The following BRI3 variants were observed in gnomAD, a reference collection of about 807,000 sequenced individuals.
The protein encoded by BRI3 is membrane protein BRI3.
In BRI3, 6 loss-of-function variants were observed where a neutral mutation model predicts 12.8. That is an observed-to-expected ratio of 0.47 (90% CI 0.26 to 0.93). BRI3 has a LOEUF of 0.93. Among genes scored for constraint, BRI3 ranks in the 40% least tolerant of loss-of-function variants. BRI3 has a pLI of 0.15. For synonymous variants in BRI3, 91 were observed against 76.1 expected, an observed-to-expected ratio of 1.20 and a Z score of -1.02; for missense variants, 134 against 171.1, an observed-to-expected ratio of 0.78 and a Z score of 1.21.
At position 98,301,462 on chromosome 7, in the gene BRI3, CT is replaced by C. The variant is rs61208842; in HGVS notation, c.72-5010del. On this transcript the variant is annotated intron_variant and NMD_transcript_variant, in intron 1 of 2. Coordinates refer to the BRI3 transcript ENST00000491463. ...AAATGAAAGCCTGAAAGCCTTCTAGCTTTTTTTTTTTGGTATATATATATAT... is the reference window on the plus strand; with the variant it reads ...AAATGAAAGCCTGAAAGCCTTCTAGCTTTTTTTTTTGGTATATATATATAT... Among the ~76,000 whole-genome samples, 663 of 130,472 alleles carry C rather than the reference CT, an allele frequency of 5.1e-3. 3 individuals carry two copies. Among genetic ancestry groups the C allele is most frequent in the African/African-American group, 0.013 (458 of 36,512 alleles). The allele number at this position is 130,472 out of a possible 152,430, so 85.6% of individuals were successfully genotyped here.
the BRI3 span, among the ~76,000 whole-genome samples, chr7:98,316,664 T>C: frequency 6.6e-6 from 1 of 152,216 alleles, no homozygotes; most frequent in Non-Finnish European, 1.5e-5. Flanking sequence ...TATTTTGAAA[T>C]AATGCATCGC....
chr7:98,287,744 C>T (rs775283581), intron 2 of BRI3, among the ~76,000 whole-genome samples: 35 of 152,218 alleles, frequency 2.3e-4, no homozygotes, highest in Admixed American at 6.5e-5. Flanking sequence ...CAGGCGCGAG[C>T]AGCAGCTGCA....
intron 2 of BRI3, among the ~76,000 whole-genome samples, chr7:98,289,400 GC>G (rs1220276196): frequency 1.3e-4 from 20 of 152,232 alleles, no homozygotes; most frequent in African/African-American, 4.8e-4. Flanking sequence ...GGGGGCAGTG[GC>G]CCTCATGAGT....
downstream of BRI3, among the ~76,000 whole-genome samples, chr7:98,295,094 CAG>C (rs1273385455): frequency 2.6e-5 from 4 of 152,220 alleles, no homozygotes; most frequent in African/African-American, 7.2e-5. Context: ...CAGGGGGTCT[CAG>C]GGAGCACGCA....
At chr7:98,310,538 G>A (rs1015977159), downstream of BRI3, 53 of 1,597,366 alleles carry the variant, frequency 3.3e-5, no homozygotes, top group Non-Finnish European at 4.5e-5. Context: ...CTGCCTGAAG[G>A]AGCGGGGGGC....
the BRI3 span, among the ~76,000 whole-genome samples, chr7:98,322,038 G>C: frequency 3.1e-4 from 47 of 152,306 alleles, no homozygotes; most frequent in African/African-American, 1.1e-3. Context: ...AGAGGATGCA[G>C]TGAGCCGAGA....
At chr7:98,285,856 C>T (rs976085493) in intron 2 of BRI3, among the ~76,000 whole-genome samples, 2 of 152,168 alleles carry the variant, frequency 1.3e-5, no homozygotes, top group Non-Finnish European at 2.9e-5. Context: ...GCTTTGGGGC[C>T]ACCTCGCCCT....
At chr7:98,292,607 G>T, downstream of BRI3, 1 of 1,549,900 alleles carries the variant, frequency 6.5e-7, no homozygotes, top group South Asian at 1.2e-5. Context: ...GGGCATCATG[G>T]CTGCTAGGCT....
chr7:98,304,292 G>A (rs1245287405), upstream of BRI3: 4 of 1,613,644 alleles, frequency 2.5e-6, no homozygotes, highest in Non-Finnish European at 2.5e-6. Flanking sequence ...CCATGGACAA[G>A]CATTCCAAGT....
At chr7:98,286,102 C>T (rs758679593) in intron 2 of BRI3, among the ~76,000 whole-genome samples, 55 of 152,118 alleles carry the variant, frequency 3.6e-4, no homozygotes, top group Non-Finnish European at 5.9e-4. Context: ...GATGGGTGCT[C>T]GTGACTGGGG....
At chr7:98,308,043 T>G (rs1800727524) in exon 2 of BRI3, 1 of 797,206 alleles carries the variant, frequency 1.3e-6, no homozygotes. Flanking sequence ...ATTTCCTCGC[T>G]TTGATCATTG....
At chr7:98,294,051 C>T (rs765088736), downstream of BRI3, 3 of 1,612,984 alleles carry the variant, frequency 1.9e-6, no homozygotes, top group Non-Finnish European at 2.5e-6. Flanking sequence ...CACACTGAGG[C>T]TCACGTAGGA....
chr7:98,315,856 G>T, the BRI3 span, among the ~76,000 whole-genome samples: 1 of 152,170 alleles, frequency 6.6e-6, no homozygotes, highest in African/African-American at 2.4e-5. Context: ...GGGGCAATTT[G>T]CACAAATATT....
chr7:98,317,542 G>T, the BRI3 span, among the ~76,000 whole-genome samples: 1 of 149,178 alleles, frequency 6.7e-6, no homozygotes, highest in African/African-American at 2.5e-5. Flanking sequence ...GCTGGCCGGG[G>T]TCCCATGCCC....
chr7:98,288,045 T>G (rs147098434), intron 2 of BRI3, among the ~76,000 whole-genome samples: 1,596 of 152,300 alleles, frequency 0.01, 9 homozygotes, highest in South Asian at 0.035. Flanking sequence ...GGGACCACTC[T>G]GGGGGGTGCG....
exon 1 of BRI3, chr7:98,306,546 T>C (rs1800664536): frequency 6.2e-7 from 1 of 1,614,004 alleles, no homozygotes; most frequent in Non-Finnish European, 8.5e-7. Context: ...AAAGACCCTA[T>C]CAGCAGTAGA....
intron 2 of BRI3, among the ~76,000 whole-genome samples, chr7:98,289,148 C>T (rs550372983): frequency 5.9e-5 from 9 of 152,112 alleles, no homozygotes; most frequent in South Asian, 2.1e-4. Flanking sequence ...AGTAGAAACG[C>T]GGTTTCACCA....
chr7:98,312,197 G>A, downstream of BRI3: 2 of 1,614,110 alleles, frequency 1.2e-6, no homozygotes, highest in Non-Finnish European at 1.7e-6. Context: ...GATTTTCTCT[G>A]GCACTTTGAT....
At chr7:98,298,790 C>T (rs997684220) in intron 1 of BRI3, among the ~76,000 whole-genome samples, 10 of 152,132 alleles carry the variant, frequency 6.6e-5, no homozygotes, top group Admixed American at 5.9e-4. Flanking sequence ...AATTCCAGGA[C>T]TGTGTCCCCA....
Sources: allele counts gnomAD v4.1 joint callset (sites outside exome capture counted in the v4.1 genomes callset), GRCh38; gene constraint gnomAD v4.1.1; transcripts MANE v1.5; gene names NCBI Gene and HGNC (gene_info 2026-07-23, HGNC 2026-07-21).